ITGAM: variants seen among roughly 807,000 people sequenced by gnomAD.
ITGAM encodes the protein integrin alpha-M.
In ITGAM, 79 loss-of-function variants were observed where a neutral mutation model predicts 137.5. The ratio of observed to expected loss-of-function variants is 0.57; its 90% CI spans 0.48 to 0.69. The LOEUF is 0.69. Among genes scored for constraint, ITGAM ranks in the 30% least tolerant of loss-of-function variants. The pLI, the probability that ITGAM is intolerant of heterozygous loss-of-function variation, is 0.00. For missense variants in ITGAM, 1,343 were observed against 1,483.5 expected (o/e 0.91, Z 1.56); for synonymous variants, 583 against 592.3 (o/e 0.98, Z 0.23).
chr16:31,331,734 T>C lies in ITGAM; in HGVS notation c.*27T>C, dbSNP rs1303916618. ...GGCTCCTTCCCGACAGAGCTGCCTC[T>C]CGGTGGCCAGCAGGACTCTGCCCAG... On this transcript the variant is annotated 3_prime_UTR_variant, in exon 30 of 30. Coordinates refer to ENST00000544665, the MANE Select transcript of ITGAM (RefSeq NM_000632.4). 5.1e-6 allele frequency: 8 copies of C among 1,556,318 alleles called. No individual in the cohort carries two copies. Among genetic ancestry groups the C allele is most frequent in the Non-Finnish European group, 7.0e-6 (8 of 1,146,184 alleles).
intron 6 of ITGAM, 150 bp downstream of exon 6, chr16:31,271,234 T>C (rs2079836300): frequency 1.8e-6 from 1 of 567,852 alleles, no homozygotes; most frequent in East Asian, 3.3e-5. Context: ...TCTTTTCTGC[T>C]CTGTTGGATG....
chr16:31,265,964 G>A (rs922320901), intron 4 of ITGAM, 66 bp from the exon 5 acceptor site: 31 of 1,590,058 alleles, frequency 1.9e-5, no homozygotes, highest in Non-Finnish European at 2.6e-5. Context: ...CTTGTGGAGG[G>A]TGGAGGTGCT....
intron 12 of ITGAM, among the ~76,000 whole-genome samples, chr16:31,288,780 C>A (rs1041170720): frequency 5.3e-5 from 8 of 152,056 alleles, no homozygotes; most frequent in African/African-American, 1.4e-4. Flanking sequence ...AACTAAGGAG[C>A]TTCTGCACAG....
At chr16:31,270,739 A>ATATATATATG (rs2079828148) in intron 5 of ITGAM, among the ~76,000 whole-genome samples, 1 of 112,692 alleles carries the variant, frequency 8.9e-6, no homozygotes, top group South Asian at 2.4e-4. Flanking sequence ...ATATATATAT[A>ATATATATATG]TATATGTTTT....
chr16:31,302,503 T>C (rs562191351), intron 14 of ITGAM, among the ~76,000 whole-genome samples: 36 of 148,956 alleles, frequency 2.4e-4, no homozygotes, highest in African/African-American at 8.1e-4. Context: ...TCCTTCTTTC[T>C]TTCTTTCTTT....
chr16:31,330,040 G>A, intron 25 of ITGAM, 41 bp from the exon 26 acceptor site: 1 of 1,596,296 alleles, frequency 6.3e-7, no homozygotes, highest in Non-Finnish European at 8.6e-7. Flanking sequence ...AGGCCCTGGC[G>A]CCTTCATCTC....
intron 7 of ITGAM, 84 bp downstream of exon 7, chr16:31,272,076 C>G (rs1050445757): frequency 6.5e-6 from 10 of 1,538,282 alleles, no homozygotes; most frequent in African/African-American, 1.4e-5. Flanking sequence ...GCCGTTCAGA[C>G]AGGGGTGGTA....
chr16:31,265,406 G>T lies in ITGAM; in HGVS notation c.146G>T (p.Gly49Val), dbSNP rs1487400955. 7 of 1,600,942 alleles carry T rather than the reference G, an allele frequency of 4.4e-6. No individual in the cohort carries two copies. In the African/African-American group the frequency reaches 8.1e-5, roughly 18 times the overall value. The change falls in exon 3 of 30, where the codon GGA becomes GTA. Residue 49 changes from glycine (G) to valine (V), a missense_variant. Gly to Val is a moderately radical substitution (Grantham distance 109). Coordinates refer to ENST00000544665, the MANE Select transcript of ITGAM (RefSeq NM_000632.4). Reference protein sequence around the residue: ...VQLQGSRVVVGAPQEIVAANQ... With the variant: ...VQLQGSRVVVVAPQEIVAANQ... ...ACTTCTCCCCACAGGGTGGTGGTTG[G>T]AGCCCCCCAGGAGATAGTGGCTGCC...
Position 31,321,529 on chromosome 16 carries a change from T to C in ITGAM, c.1904T>C (p.Val635Ala). The stretch of plus-strand genomic sequence containing the variant: ...AATCCCAGGGAAGTGGCAAGGAATG[T>C]ATTTGAGTGTAATGATCAGGTGGTG... ...EFNPREVARN[V>A]FECNDQVVKG... The change falls in exon 16 of 30, where the codon GTA becomes GCA. Residue 635 changes from valine (V) to alanine (A), a missense_variant. Physicochemically the swap from Val to Ala is moderately conservative, Grantham distance 64 (BLOSUM62 0). Transcript: ENST00000544665. 2 of 1,613,962 alleles carry C rather than the reference T, an allele frequency of 1.2e-6. No individual in the cohort carries two copies. The highest frequency in any genetic ancestry group is 1.7e-6 in the Non-Finnish European group (2 of 1,179,886).
Position 31,324,923 on chromosome 16 carries a change from T to C in ITGAM, c.2290-35T>C. On this transcript the variant is annotated intron_variant, in intron 18 of 29. Transcript: ENST00000544665. The surrounding 1 kb of genome is among the most constrained non-coding windows in gnomAD (Gnocchi z 4.5). ...AATTTCACAATACTTGGTTATTTTC[T>C]TTCCTTTCATTTGATCATATTTATT... is the stretch of plus-strand genomic sequence containing the variant. 1 of 1,568,596 alleles carries C rather than the reference T, an allele frequency of 6.4e-7. No individual in the cohort carries two copies. The highest frequency in any genetic ancestry group is 8.7e-7 in the Non-Finnish European group (1 of 1,153,650).
chr16:31,330,067 G>A lies in ITGAM; in HGVS notation c.2977-14G>A, dbSNP rs376631979. The A allele has an allele frequency of 1.6e-4, 254 of 1,611,964 alleles. No homozygotes were observed. In the African/African-American group the frequency reaches 2.9e-3, roughly 19 times the overall value. ...CTTCATCTCTGCCCCTTCTCAGTGC[G>A]TCTCTTTCCTCAGAACCTCTCGAGT... On this transcript the variant is annotated splice_polypyrimidine_tract_variant and intron_variant, in intron 25 of 29. Transcript: ENST00000544665.
In ITGAM at chr16:31,324,712, C is replaced by T. The variant is rs1349444863; in HGVS notation, c.2219C>T (p.Thr740Met). 5.0e-6 allele frequency: 8 copies of T among 1,601,026 alleles called. No homozygotes were observed. The highest frequency in any genetic ancestry group is 2.7e-5 in the African/African-American group (2 of 74,418). The change falls in exon 18 of 30, where the codon ACG becomes ATG. Residue 740 changes from threonine (T) to methionine (M), a missense_variant. By Grantham distance (81) the Thr-to-Met change is moderately conservative. Coordinates refer to ENST00000544665, the MANE Select transcript of ITGAM (RefSeq NM_000632.4). The surrounding 1 kb of genome is among the most constrained non-coding windows in gnomAD (Gnocchi z 4.5). Reference protein sequence around the residue: ...VLRLNFSLVGTPLSAFGNLRP... With the variant: ...VLRLNFSLVGMPLSAFGNLRP... ...CGCCTGAACTTCTCTCTGGTGGGAA[C>T]GCCATTGTCTGCTTTCGGGAACCTC...
intron 24 of ITGAM, 144 bp from the exon 25 acceptor site, chr16:31,329,654 C>A: frequency 3.0e-6 from 2 of 659,728 alleles, no homozygotes; most frequent in South Asian, 3.8e-5. Context: ...CACTGGAATG[C>A]GTATTACATG....
intron 14 of ITGAM, among the ~76,000 whole-genome samples, chr16:31,302,397 T>TTCG (rs2080206838): frequency 7.7e-6 from 1 of 129,142 alleles, no homozygotes; most frequent in Admixed American, 7.3e-5. Context: ...TCTTTTTTCT[T>TTCG]TTCTTTTCTT....
chr16:31,307,891 A>G, intron 14 of ITGAM, among the ~76,000 whole-genome samples: 2 of 152,216 alleles, frequency 1.3e-5, no homozygotes. Context: ...CCTTTTCTGC[A>G]TCTATTGAGA....
Position 31,331,875 on chromosome 16 carries a change from C to CAAG in ITGAM, c.*168_*169insAAG. 1 of 548,746 alleles carries CAAG rather than the reference C, an allele frequency of 1.8e-6. No individual in the cohort carries two copies. Among genetic ancestry groups the CAAG allele is most frequent in the South Asian group, 2.0e-5 (1 of 48,876 alleles). 34.0% of individuals were successfully genotyped at this position (548,746 alleles called of 1,614,324 possible). ...TGTGTATGTGCGTGTGTGCAAGTGT[C>CAAG]TGTGTGCAAGTGTGTGCACATGTGT... On this transcript the variant is annotated 3_prime_UTR_variant, in exon 30 of 30. Coordinates refer to ENST00000544665, the MANE Select transcript of ITGAM (RefSeq NM_000632.4).
At chr16:31,283,745 G>A (rs370775506) in intron 12 of ITGAM, among the ~76,000 whole-genome samples, 79 of 152,296 alleles carry the variant, frequency 5.2e-4, no homozygotes, top group African/African-American at 1.7e-3. Flanking sequence ...GTCATTCTCC[G>A]TCCAGCTTCG....
intron 14 of ITGAM, among the ~76,000 whole-genome samples, chr16:31,300,913 A>C (rs2080191659): frequency 6.6e-6 from 1 of 152,188 alleles, no homozygotes; most frequent in African/African-American, 2.4e-5. Context: ...CCTTGTCTCA[A>C]AAAAAGAGAA....
chr16:31,299,375 T>C (rs1441471122), intron 14 of ITGAM, among the ~76,000 whole-genome samples: 1 of 151,520 alleles, frequency 6.6e-6, no homozygotes, highest in Non-Finnish European at 1.5e-5. Flanking sequence ...AGTGGCACAA[T>C]CTCGGCTCAC....
Sources: allele counts gnomAD v4.1 joint callset (sites outside exome capture counted in the v4.1 genomes callset), GRCh38; gene constraint gnomAD v4.1.1; non-coding constraint Gnocchi (gnomAD v3.1); transcripts MANE v1.5; gene names NCBI Gene and HGNC (gene_info 2026-07-23, HGNC 2026-07-21).